PPP2R3A: variants seen among roughly 807,000 people sequenced by gnomAD.
PPP2R3A encodes serine/threonine-protein phosphatase 2A regulatory subunit B'' subunit alpha.
Under a neutral mutation model 106.9 loss-of-function variants are expected in PPP2R3A, and 80 were observed. The observed-to-expected ratio is 0.75, with a 90% CI of 0.62 to 0.90. The LOEUF (loss-of-function observed/expected upper bound fraction) is 0.90, where lower values mean the gene tolerates loss of function less well. PPP2R3A is among the 40% of genes least tolerant of loss of function. The pLI, the probability that PPP2R3A is intolerant of heterozygous loss-of-function variation, is 0.00. For synonymous variants in PPP2R3A, 483 were observed against 468.3 expected, an observed-to-expected ratio of 1.03 and a Z score of -0.41; for missense variants, 1,386 against 1,350.4, an observed-to-expected ratio of 1.03 and a Z score of -0.41.
chr3:136,080,841 C>T (rs1207536366), intron 7 of PPP2R3A, among the ~76,000 whole-genome samples: 1 of 152,122 alleles, frequency 6.6e-6, no homozygotes, highest in Non-Finnish European at 1.5e-5. Flanking sequence ...TTCTATCCAG[C>T]AGATTTACCA....
At chr3:135,976,404 T>A (rs1054712887) in intron 1 of PPP2R3A, among the ~76,000 whole-genome samples, 1 of 152,208 alleles carries the variant, frequency 6.6e-6, no homozygotes, top group Admixed American at 6.5e-5. Context: ...GCTGGCTCTC[T>A]TGAGCATTTG....
chr3:135,990,206 A>G (rs746257366), intron 1 of PPP2R3A, among the ~76,000 whole-genome samples: 2 of 152,214 alleles, frequency 1.3e-5, no homozygotes, highest in Non-Finnish European at 2.9e-5. Flanking sequence ...CTTATCCCAA[A>G]TGAGCAGCTT....
At chr3:136,066,311 A>G (rs561631724) in intron 5 of PPP2R3A, among the ~76,000 whole-genome samples, 1 of 152,338 alleles carries the variant, frequency 6.6e-6, no homozygotes, top group South Asian at 2.1e-4. Context: ...ACTGATACCT[A>G]AATCAGGAAA....
At chr3:136,011,347 A>G (rs562874138) in intron 2 of PPP2R3A, among the ~76,000 whole-genome samples, 2 of 152,228 alleles carry the variant, frequency 1.3e-5, no homozygotes, top group African/African-American at 4.8e-5. Flanking sequence ...TGTTACATTC[A>G]CTGCTATATC....
intron 4 of PPP2R3A, among the ~76,000 whole-genome samples, chr3:136,048,300 CA>C (rs1038770792): frequency 6.6e-6 from 1 of 152,086 alleles, no homozygotes; most frequent in African/African-American, 2.4e-5. Flanking sequence ...TGTGCAACCA[CA>C]AGTGCAGGAA....
Position 136,002,975 on chromosome 3 carries a change from G to A in PPP2R3A, c.1477G>A (p.Glu493Lys), listed in dbSNP as rs570653519. 3 of 1,613,068 alleles carry A rather than the reference G, an allele frequency of 1.9e-6. No homozygotes were observed. Among genetic ancestry groups the A allele is most frequent in the African/African-American group, 2.7e-5 (2 of 74,912 alleles). The change falls in exon 2 of 14, where the codon GAA becomes AAA. Residue 493 changes from glutamate (E) to lysine (K), a missense_variant. Physicochemically the swap from Glu to Lys is moderately conservative, Grantham distance 56. Transcript: ENST00000264977. Reference sequence around the variant, plus strand: ...CTGTAAATCAAAAGTTTCTAAATTTGAAGAGGGAGACCAGAGAGATTTTAC... The same window carrying A: ...CTGTAAATCAAAAGTTTCTAAATTTAAAGAGGGAGACCAGAGAGATTTTAC... ...EDCKSKVSKF[E>K]EGDQRDFTNS...
intron 13 of PPP2R3A, among the ~76,000 whole-genome samples, chr3:136,120,967 A>G (rs1329856541): frequency 6.6e-6 from 1 of 152,176 alleles, no homozygotes; most frequent in Admixed American, 6.5e-5. Flanking sequence ...AAGGGAATGC[A>G]CATACACTGC....
At chr3:136,139,320 G>A (rs1274308197) in intron 13 of PPP2R3A, among the ~76,000 whole-genome samples, 2 of 152,174 alleles carry the variant, frequency 1.3e-5, no homozygotes, top group African/African-American at 4.8e-5. Context: ...ACTTAGGGAA[G>A]TAAGTTTCTA....
intron 2 of PPP2R3A, among the ~76,000 whole-genome samples, chr3:136,018,855 G>T (rs373955169): frequency 6.6e-6 from 1 of 152,250 alleles, no homozygotes; most frequent in East Asian, 1.9e-4. Context: ...TATCCTACCC[G>T]GTTCTTTTTG....
At chr3:136,010,557 G>A (rs1291126657) in intron 2 of PPP2R3A, among the ~76,000 whole-genome samples, 1 of 149,848 alleles carries the variant, frequency 6.7e-6, no homozygotes, top group Admixed American at 6.7e-5. Context: ...CTCCCAAGTA[G>A]CTGGGACTAC....
rs534375066 is a variant in PPP2R3A, at chr3:136,063,651, A to C, written c.2470-6827A>C. Among the ~76,000 whole-genome samples the C allele has an allele frequency of 7.2e-3, 1,099 of 152,260 alleles. 15 individuals are homozygous for C. The highest frequency in any genetic ancestry group is 0.025 in the African/African-American group (1,042 of 41,508). On this transcript the variant is annotated intron_variant, in intron 5 of 13. Coordinates refer to ENST00000264977, the MANE Select transcript of PPP2R3A (RefSeq NM_002718.5). ...CGAAAGAAGACATTTATGCAGCCAA[A>C]AGACACATGAAAAAATGCTCATCAT...
At chr3:136,090,706 C>T in intron 10 of PPP2R3A, 39 bp downstream of exon 10, 1 of 1,528,622 alleles carries the variant, frequency 6.5e-7, no homozygotes, top group Non-Finnish European at 9.0e-7. Context: ...ATGTTAAACA[C>T]ATGCACAAAG....
chr3:136,125,084 G>T (rs1938134725), intron 13 of PPP2R3A, among the ~76,000 whole-genome samples: 1 of 152,214 alleles, frequency 6.6e-6, no homozygotes, highest in Non-Finnish European at 1.5e-5. Context: ...AGTTTGGGAG[G>T]CCAAGGTGGG....
chr3:135,995,648 T>A (rs1028235909), intron 1 of PPP2R3A, among the ~76,000 whole-genome samples: 3 of 151,932 alleles, frequency 2.0e-5, no homozygotes, highest in African/African-American at 7.3e-5. Flanking sequence ...AATTTTTGTA[T>A]TTTTAGTAGA....
chr3:136,105,733 G>A (rs914963520), intron 12 of PPP2R3A, among the ~76,000 whole-genome samples: 6 of 152,050 alleles, frequency 3.9e-5, no homozygotes, highest in African/African-American at 1.2e-4. Context: ...ACGCTGAGGC[G>A]GGCAGATCAC....
At chr3:136,053,769 A>G (rs1011283539) in intron 5 of PPP2R3A, among the ~76,000 whole-genome samples, 2 of 152,178 alleles carry the variant, frequency 1.3e-5, no homozygotes, top group African/African-American at 4.8e-5. Context: ...CTGTCAATCA[A>G]CACACCCACC....
chr3:135,985,198 T>C (rs547835518), intron 1 of PPP2R3A, among the ~76,000 whole-genome samples: 1 of 152,294 alleles, frequency 6.6e-6, no homozygotes, highest in African/African-American at 2.4e-5. Flanking sequence ...GTATAAGTAC[T>C]TTAAAATGAT....
chr3:136,082,430 T>A lies in PPP2R3A; in HGVS notation c.2788+9T>A. 6.2e-7 allele frequency: 1 copy of A among 1,611,870 alleles called. No homozygotes were observed. Among genetic ancestry groups the A allele is most frequent in the South Asian group, 1.1e-5 (1 of 90,970 alleles). ...TCGATACAATGACCAGGGTAAGTGATTCTGTAGATGCTAAGACTTAACCAT... is the reference window on the plus strand; with the variant it reads ...TCGATACAATGACCAGGGTAAGTGAATCTGTAGATGCTAAGACTTAACCAT... On this transcript the variant is annotated intron_variant, in intron 8 of 13. Coordinates refer to ENST00000264977, the MANE Select transcript of PPP2R3A (RefSeq NM_002718.5).
chr3:136,080,217 T>G (rs1936738274), intron 7 of PPP2R3A, among the ~76,000 whole-genome samples: 1 of 152,248 alleles, frequency 6.6e-6, no homozygotes, highest in Admixed American at 6.5e-5. Context: ...TCTATCTCAT[T>G]CTTTCAACTA....
Sources: allele counts gnomAD v4.1 joint callset (sites outside exome capture counted in the v4.1 genomes callset), GRCh38; gene constraint gnomAD v4.1.1; transcripts MANE v1.5; gene names NCBI Gene and HGNC (gene_info 2026-07-23, HGNC 2026-07-21).